The following RANBP17 variants were observed in gnomAD, a reference collection of about 807,000 sequenced individuals.
RANBP17 encodes RAN binding protein 17, also known as ran-binding protein 17.
RANBP17 carries 158 observed loss-of-function variants against 141.2 expected under a neutral mutation model. The ratio of observed to expected loss-of-function variants is 1.12; its 90% CI spans 0.98 to 1.28. The LOEUF (loss-of-function observed/expected upper bound fraction) is 1.28. RANBP17 is among the 50% of genes most tolerant of loss of function. RANBP17 has a pLI of 0.00. For missense variants in RANBP17, 1,438 were observed against 1,290.7 expected, an observed-to-expected ratio of 1.11 and a Z score of -1.75; for synonymous variants, 430 against 450.0, an observed-to-expected ratio of 0.96 and a Z score of 0.56.
chr5:170,869,510 G>A (rs936744500), intron 1 of RANBP17, among the ~76,000 whole-genome samples: 9 of 152,034 alleles, frequency 5.9e-5, no homozygotes, highest in African/African-American at 1.9e-4. Flanking sequence ...CACTGGTTTG[G>A]TCCCTTCTGG....
chr5:170,926,847 C>T (rs1772969228), intron 12 of RANBP17, among the ~76,000 whole-genome samples: 2 of 152,154 alleles, frequency 1.3e-5, no homozygotes, highest in African/African-American at 4.8e-5. Context: ...TAAATTCTTA[C>T]CTCCCTTATT....
intron 9 of RANBP17, 69 bp from the exon 10 acceptor site, chr5:170,918,644 G>A: frequency 7.7e-7 from 1 of 1,292,818 alleles, no homozygotes; most frequent in Non-Finnish European, 1.0e-6. Flanking sequence ...AGATGCTTTG[G>A]GGTTTTACTG....
chr5:171,213,502 C>G, intron 20 of RANBP17, 129 bp from the exon 21 acceptor site: 1 of 670,650 alleles, frequency 1.5e-6, no homozygotes. Flanking sequence ...ATAGTATAGA[C>G]ATAGAACAAA....
chr5:171,150,590 T>C (rs1758405707), intron 14 of RANBP17, among the ~76,000 whole-genome samples: 1 of 152,194 alleles, frequency 6.6e-6, no homozygotes, highest in African/African-American at 2.4e-5. Context: ...GTCCACATTA[T>C]CACAACTCTT....
chr5:171,075,905 A>C (rs1204971177), intron 14 of RANBP17, among the ~76,000 whole-genome samples: 2 of 152,192 alleles, frequency 1.3e-5, no homozygotes, highest in Admixed American at 1.3e-4. Flanking sequence ...GTGAGCCGAG[A>C]TCATGCCACT....
intron 1 of RANBP17, among the ~76,000 whole-genome samples, chr5:170,863,276 G>A (rs999255673): frequency 1.3e-5 from 2 of 152,150 alleles, no homozygotes; most frequent in African/African-American, 4.8e-5. Context: ...TGGGATCAGG[G>A]GAGGCAGTGG....
At chr5:170,910,591 T>C (rs1367940735) in intron 6 of RANBP17, 3 of 172,788 alleles carry the variant, frequency 1.7e-5, no homozygotes, top group Admixed American at 5.9e-5. Context: ...TTTTATATTA[T>C]TCTTCAAGCA....
At chr5:171,099,309 C>A (rs938263049) in intron 14 of RANBP17, among the ~76,000 whole-genome samples, 1 of 152,070 alleles carries the variant, frequency 6.6e-6, no homozygotes, top group Non-Finnish European at 1.5e-5. Context: ...GTTTGTAGTT[C>A]TCCTTGAAGA....
chr5:170,926,194 C>G (rs564641954), intron 12 of RANBP17, among the ~76,000 whole-genome samples: 2 of 84,680 alleles, frequency 2.4e-5, no homozygotes, highest in African/African-American at 6.8e-5. Flanking sequence ...TCAAGTCTGC[C>G]TTTAGCCAGG....
intron 16 of RANBP17, among the ~76,000 whole-genome samples, chr5:171,181,510 G>A (rs1264464082): frequency 6.6e-6 from 1 of 151,728 alleles, no homozygotes; most frequent in Non-Finnish European, 1.5e-5. Flanking sequence ...CAGTGCAATA[G>A]GGAAAATCCA....
chr5:171,096,280 T>C (rs1392570509), intron 14 of RANBP17, among the ~76,000 whole-genome samples: 1 of 152,218 alleles, frequency 6.6e-6, no homozygotes. Context: ...TTTAAAGTGT[T>C]AGTGACCAAG....
intron 12 of RANBP17, among the ~76,000 whole-genome samples, chr5:170,943,988 A>G (rs542346302): frequency 6.6e-6 from 1 of 152,300 alleles, no homozygotes; most frequent in East Asian, 1.9e-4. Flanking sequence ...AGTTTGTACC[A>G]TTTGACCTAA....
intron 1 of RANBP17, among the ~76,000 whole-genome samples, chr5:170,870,093 C>T (rs1032946677): frequency 3.4e-4 from 51 of 152,036 alleles, no homozygotes; most frequent in African/African-American, 1.2e-3. Flanking sequence ...TTAATTATAC[C>T]GAGTATTATC....
intron 14 of RANBP17, among the ~76,000 whole-genome samples, chr5:171,012,274 A>G (rs2127592165): frequency 6.6e-6 from 1 of 152,186 alleles, no homozygotes; most frequent in South Asian, 2.1e-4. Flanking sequence ...TTAAGTTCAT[A>G]TGGTTATCCT....
intron 14 of RANBP17, among the ~76,000 whole-genome samples, chr5:170,978,987 A>G (rs1028133671): frequency 6.6e-6 from 1 of 152,206 alleles, no homozygotes; most frequent in African/African-American, 2.4e-5. Flanking sequence ...GTGAAAATGA[A>G]TGATCTAAAA....
At chr5:171,213,610 C>A (rs376570757) in intron 20 of RANBP17, 21 bp from the exon 21 acceptor site, 3 of 1,567,254 alleles carry the variant, frequency 1.9e-6, no homozygotes, top group African/African-American at 2.7e-5. Flanking sequence ...CCCTTAAATT[C>A]TTTAACAGGC....
At chr5:171,223,047 C>CTT in intron 22 of RANBP17, among the ~76,000 whole-genome samples, 1 of 152,190 alleles carries the variant, frequency 6.6e-6, no homozygotes, top group South Asian at 2.1e-4. Flanking sequence ...AGCCTTGTCA[C>CTT]TTTTTTTAAA....
chr5:171,061,653 G>T (rs560221582), intron 14 of RANBP17, among the ~76,000 whole-genome samples: 1 of 152,142 alleles, frequency 6.6e-6, no homozygotes, highest in South Asian at 2.1e-4. Context: ...ATTTGGGGTG[G>T]AGAGTTCTGT....
intron 14 of RANBP17, among the ~76,000 whole-genome samples, chr5:171,132,452 G>T (rs1447498725): frequency 2.1e-4 from 32 of 152,050 alleles, no homozygotes; most frequent in African/African-American, 7.7e-4. Context: ...GCTGAGCAGG[G>T]TAGCTCATGC....
Sources: gnomAD v4.1 joint callset for allele counts (sites outside exome capture counted in the v4.1 genomes callset) on GRCh38, gnomAD v4.1.1 for gene constraint, MANE v1.5 for transcripts, NCBI Gene and HGNC (gene_info 2026-07-23, HGNC 2026-07-21) for gene names.